Variants in KIAA0930 observed in about 807,000 individuals in gnomAD.
KIAA0930 encodes the protein KIAA0930.
KIAA0930 carries 24 observed loss-of-function variants against 43.9 expected under a neutral mutation model. The ratio of observed to expected loss-of-function variants is 0.55; its 90% CI spans 0.40 to 0.77. The LOEUF (loss-of-function observed/expected upper bound fraction) is 0.77. Among genes scored for constraint, KIAA0930 ranks in the 30% least tolerant of loss-of-function variants. The pLI is 0.00. For synonymous variants in KIAA0930, 259 were observed against 216.4 expected, an observed-to-expected ratio of 1.20 and a Z score of -1.73; for missense variants, 461 against 574.2, an observed-to-expected ratio of 0.80 and a Z score of 2.02.
chr22:45,216,460 C>A (rs1043578128), intron 1 of KIAA0930, among the ~76,000 whole-genome samples: 1 of 152,172 alleles, frequency 6.6e-6, no homozygotes, highest in African/African-American at 2.4e-5. Flanking sequence ...ACACCGAGCA[C>A]GGCAGTGTGG....
intron 1 of KIAA0930, among the ~76,000 whole-genome samples, chr22:45,232,405 A>T (rs1240573807): frequency 1.3e-5 from 2 of 152,212 alleles, no homozygotes; most frequent in Non-Finnish European, 2.9e-5. Flanking sequence ...CACGTGGAGT[A>T]AGGGAACTCT....
intron 4 of KIAA0930, 76 bp from the exon 5 acceptor site, chr22:45,205,394 A>G (rs1246496897): frequency 7.5e-7 from 1 of 1,334,298 alleles, no homozygotes; most frequent in Non-Finnish European, 1.1e-6. Context: ...AAGCCAGTAT[A>G]GGGAGGCCAC....
intron 2 of KIAA0930, 139 bp from the exon 3 acceptor site, chr22:45,206,051 C>A: frequency 3.5e-6 from 5 of 1,413,962 alleles, no homozygotes; most frequent in Non-Finnish European, 3.8e-6. Flanking sequence ...GGTCTCACAC[C>A]GCTGCCCAGG....
chr22:45,224,280 T>G (rs1268326215), intron 1 of KIAA0930, among the ~76,000 whole-genome samples: 1 of 151,880 alleles, frequency 6.6e-6, no homozygotes, highest in Admixed American at 6.6e-5. Context: ...GGGTTAAGAG[T>G]GGTGCAGTGC....
At chr22:45,228,870 T>A (rs1332751931) in intron 1 of KIAA0930, among the ~76,000 whole-genome samples, 1 of 22,460 alleles carries the variant, frequency 4.5e-5, no homozygotes. Flanking sequence ...CAACCACCAC[T>A]CACCCGAAAG....
At chr22:45,211,181 T>C (rs1345154392) in intron 2 of KIAA0930, among the ~76,000 whole-genome samples, 1 of 152,182 alleles carries the variant, frequency 6.6e-6, no homozygotes, top group African/African-American at 2.4e-5. Flanking sequence ...GCCCCGGAGT[T>C]ACAGAGCCAG....
At chr22:45,217,069 C>G (rs879693617) in intron 1 of KIAA0930, among the ~76,000 whole-genome samples, 1 of 152,148 alleles carries the variant, frequency 6.6e-6, no homozygotes, top group Non-Finnish European at 1.5e-5. Flanking sequence ...TTTCAAGACA[C>G]TTTATTTAAG....
At chr22:45,238,749 C>T (rs575552074) in intron 1 of KIAA0930, among the ~76,000 whole-genome samples, 3 of 152,130 alleles carry the variant, frequency 2.0e-5, no homozygotes, top group Admixed American at 1.3e-4. Context: ...GCGTGAGTAT[C>T]GTAGGCACAT....
At chr22:45,209,885 T>C (rs1569076416) in intron 2 of KIAA0930, among the ~76,000 whole-genome samples, 1 of 152,200 alleles carries the variant, frequency 6.6e-6, no homozygotes, top group Non-Finnish European at 1.5e-5. Flanking sequence ...AGATCCTGGA[T>C]GTGACCCCAT....
intron 1 of KIAA0930, among the ~76,000 whole-genome samples, chr22:45,215,893 A>G (rs2083728760): frequency 6.6e-6 from 1 of 152,130 alleles, no homozygotes; most frequent in Non-Finnish European, 1.5e-5. Context: ...GGGAACGGGG[A>G]GGCGGGTGCC....
At position 45,239,082 on chromosome 22, in the gene KIAA0930, G is replaced by T. The variant is rs576206816; in HGVS notation, c.64+1558C>A. Among the ~76,000 whole-genome samples, 477 of 152,276 alleles carry T rather than the reference G, an allele frequency of 3.1e-3. 3 individuals carry two copies. Among genetic ancestry groups the T allele is most frequent in the Non-Finnish European group, 4.0e-3 (272 of 68,020 alleles). ...CTGGGAATGGCCCTGCAGCCTCCTTGCGGGAGGGGCTGCCTAGAAGAGGAG... is the reference window on the plus strand; with the variant it reads ...CTGGGAATGGCCCTGCAGCCTCCTTTCGGGAGGGGCTGCCTAGAAGAGGAG... On this transcript the variant is annotated intron_variant, in intron 1 of 9. Coordinates refer to ENST00000336156, the MANE Select transcript of KIAA0930 (RefSeq NM_001009880.2).
In KIAA0930 at chr22:45,196,943, C is replaced by T. The variant is rs777365609; in HGVS notation, c.*233G>A. On this transcript the variant is annotated 3_prime_UTR_variant, in exon 10 of 10. Transcript: ENST00000336156. This position sits in a 1 kb window ranked among gnomAD's most constrained non-coding sequence, Gnocchi z 4.1. ...GGGCTCTCCAGAGATGGGTGGGGGG[C>T]GATGGGCGGGGGGCACAGGGCGGAG... The T allele has an allele frequency of 1.8e-4, 85 of 484,514 alleles. No homozygotes were observed. The highest frequency in any genetic ancestry group is 9.1e-5 in the Non-Finnish European group (25 of 275,358). The allele number at this position is 484,514 out of a possible 1,614,324, so 30.0% of individuals were successfully genotyped here. A position where few individuals can be genotyped will look rare whatever the true frequency, so the allele number is the denominator to read the frequency against.
intron 1 of KIAA0930, among the ~76,000 whole-genome samples, chr22:45,214,966 C>T (rs955103085): frequency 6.6e-6 from 1 of 151,492 alleles, no homozygotes; most frequent in Admixed American, 6.6e-5. Flanking sequence ...ACCTGTAATT[C>T]CAGCACTTTA....
chr22:45,205,100 C>A, intron 5 of KIAA0930, 117 bp downstream of exon 5: 1 of 791,542 alleles, frequency 1.3e-6, no homozygotes, highest in Admixed American at 2.4e-5. Context: ...CAGCCGGACT[C>A]TTCCCGGCTC....
At chr22:45,203,704 G>T in intron 6 of KIAA0930, 141 bp downstream of exon 6, 2 of 886,714 alleles carry the variant, frequency 2.3e-6, no homozygotes, top group Non-Finnish European at 3.4e-6. Context: ...CCTAGAAGGA[G>T]CCCGGAGGGG....
chr22:45,197,737 G>A lies in KIAA0930; in HGVS notation c.1174+53C>T. ...GCTCACAAGTACCAAGGCCCTGGAG[G>A]CAGAGCTGGCTGTGAGAAGGTGCGG... On this transcript the variant is annotated intron_variant, in intron 9 of 9. Coordinates refer to ENST00000336156, the MANE Select transcript of KIAA0930 (RefSeq NM_001009880.2). The A allele has an allele frequency of 1.9e-6, 3 of 1,596,302 alleles. No individual in the cohort carries two copies. In the South Asian group the frequency reaches 3.4e-5, roughly 18 times the overall value.
At chr22:45,212,715 ATTTC>A (rs1476200903) in intron 1 of KIAA0930, among the ~76,000 whole-genome samples, 2 of 152,250 alleles carry the variant, frequency 1.3e-5, no homozygotes, top group African/African-American at 2.4e-5. Context: ...TACAAATGGT[ATTTC>A]TTTATGATAA....
chr22:45,223,287 A>G (rs1416165081), intron 1 of KIAA0930, among the ~76,000 whole-genome samples: 1 of 152,224 alleles, frequency 6.6e-6, no homozygotes, highest in South Asian at 2.1e-4. Context: ...AAAAATGGAG[A>G]GCAGACCAAT....
At chr22:45,214,400 A>C (rs765513139) in intron 1 of KIAA0930, among the ~76,000 whole-genome samples, 1 of 152,162 alleles carries the variant, frequency 6.6e-6, no homozygotes, top group Non-Finnish European at 1.5e-5. Context: ...AATAAAAACA[A>C]ACTAGTGATC....
Sources: gnomAD v4.1 joint callset for allele counts (sites outside exome capture counted in the v4.1 genomes callset) on GRCh38, gnomAD v4.1.1 for gene constraint, Gnocchi (gnomAD v3.1) non-coding constraint, MANE v1.5 for transcripts, NCBI Gene and HGNC (gene_info 2026-07-23, HGNC 2026-07-21) for gene names.